The following MAST4 variants were observed in gnomAD, a reference collection of about 807,000 sequenced individuals.
The protein encoded by MAST4 is microtubule-associated serine/threonine-protein kinase 4.
MAST4 carries 89 observed loss-of-function variants against 162.7 expected under a neutral mutation model. The observed-to-expected ratio is 0.55, with a 90% confidence interval of 0.46 to 0.65. MAST4 has a LOEUF of 0.65. Among genes scored for constraint, MAST4 ranks in the 30% least tolerant of loss-of-function variants. The pLI is 0.00. For missense variants in MAST4, 3,153 were observed against 3,374.0 expected (o/e 0.93, Z 1.62); for synonymous variants, 1,479 against 1,361.1 (o/e 1.09, Z -1.91).
chr5:66,923,905 G>A (rs934835898), intron 4 of MAST4, among the ~76,000 whole-genome samples: 1 of 152,182 alleles, frequency 6.6e-6, no homozygotes, highest in African/African-American at 2.4e-5. Context: ...TTGGGAAATG[G>A]CATTCAGGAC....
intron 4 of MAST4, among the ~76,000 whole-genome samples, chr5:66,982,969 C>G (rs1749051697): frequency 6.6e-6 from 1 of 152,186 alleles, no homozygotes; most frequent in Non-Finnish European, 1.5e-5. Flanking sequence ...TCAAGGAATG[C>G]TGCCCCATTC....
At chr5:66,953,849 G>A (rs573579687) in intron 4 of MAST4, among the ~76,000 whole-genome samples, 32 of 152,206 alleles carry the variant, frequency 2.1e-4, no homozygotes, top group East Asian at 3.9e-4. Context: ...GATGTTCAGC[G>A]GCATCCCTGG....
chr5:67,145,690 G>A (rs970809194), intron 23 of MAST4, among the ~76,000 whole-genome samples: 5 of 152,158 alleles, frequency 3.3e-5, no homozygotes, highest in Admixed American at 1.3e-4. Flanking sequence ...CTAAGGGAGC[G>A]TGTTCTCAGT....
At chr5:66,680,335 C>T (rs779679533) in intron 1 of MAST4, among the ~76,000 whole-genome samples, 211 of 152,302 alleles carry the variant, frequency 1.4e-3, no homozygotes, top group Non-Finnish European at 2.0e-3. Context: ...GGAAGAGCCA[C>T]GCAGCAGTTG....
intron 1 of MAST4, among the ~76,000 whole-genome samples, chr5:66,746,957 A>AT (rs374549454): frequency 0.014 from 2,014 of 148,568 alleles, 22 homozygotes; most frequent in African/African-American, 0.039. Context: ...TACTAGCTTT[A>AT]TTTTTTTTTT....
chr5:66,683,188 G>A (rs1748438461), intron 1 of MAST4, among the ~76,000 whole-genome samples: 1 of 152,154 alleles, frequency 6.6e-6, no homozygotes. Context: ...CATCATTTTG[G>A]CTGCCATGTA....
chr5:66,955,503 A>G (rs755625006), intron 4 of MAST4, among the ~76,000 whole-genome samples: 11 of 152,240 alleles, frequency 7.2e-5, no homozygotes, highest in Non-Finnish European at 1.2e-4. Flanking sequence ...TCAATTTTTT[A>G]TAAGACAAAA....
intron 4 of MAST4, among the ~76,000 whole-genome samples, chr5:66,959,767 T>G (rs1405627441): frequency 6.6e-6 from 1 of 152,226 alleles, no homozygotes; most frequent in Non-Finnish European, 1.5e-5. Flanking sequence ...AACAGAATAT[T>G]AATGAACTGT....
intron 3 of MAST4, among the ~76,000 whole-genome samples, chr5:66,837,974 A>C (rs1388559979): frequency 1.3e-5 from 2 of 148,736 alleles, no homozygotes; most frequent in Admixed American, 6.8e-5. Flanking sequence ...TTGAGCTTCC[A>C]AATAACAACA....
chr5:67,092,545 T>C (rs1561641910), intron 6 of MAST4, among the ~76,000 whole-genome samples: 1 of 152,222 alleles, frequency 6.6e-6, no homozygotes, highest in Non-Finnish European at 1.5e-5. Context: ...ATTGTGGACC[T>C]ACTTAATCCT....
At chr5:66,882,485 G>A (rs1453022650) in intron 3 of MAST4, among the ~76,000 whole-genome samples, 1 of 151,710 alleles carries the variant, frequency 6.6e-6, no homozygotes, top group Non-Finnish European at 1.5e-5. Flanking sequence ...TGACTTAACT[G>A]TACTGATCAT....
At chr5:66,912,531 A>G (rs1300949845) in intron 4 of MAST4, among the ~76,000 whole-genome samples, 1 of 152,240 alleles carries the variant, frequency 6.6e-6, no homozygotes, top group Non-Finnish European at 1.5e-5. Flanking sequence ...GAATGAAATT[A>G]ATAGATCAGT....
intron 5 of MAST4, among the ~76,000 whole-genome samples, chr5:67,060,699 G>A (rs1049866429): frequency 6.6e-6 from 1 of 152,014 alleles, no homozygotes; most frequent in Non-Finnish European, 1.5e-5. Flanking sequence ...GGATGGTCTC[G>A]ATCTCCTGAC....
intron 3 of MAST4, among the ~76,000 whole-genome samples, chr5:66,852,519 T>C (rs1278780179): frequency 1.3e-5 from 2 of 152,174 alleles, no homozygotes; most frequent in African/African-American, 4.8e-5. Flanking sequence ...ACCGTAACGC[T>C]TGTCTGTGTG....
chr5:67,105,981 CAT>C (rs1186616827), intron 10 of MAST4, among the ~76,000 whole-genome samples: 2 of 152,156 alleles, frequency 1.3e-5, no homozygotes. Context: ...TCCTTATTGT[CAT>C]ATCCACTGGA....
intron 4 of MAST4, among the ~76,000 whole-genome samples, chr5:66,983,668 G>C (rs929955802): frequency 2.6e-5 from 4 of 152,176 alleles, no homozygotes; most frequent in African/African-American, 9.7e-5. Context: ...GGAGGGGAAT[G>C]GGGAGGGATT....
At chr5:66,811,169 T>C (rs1580509631) in intron 3 of MAST4, among the ~76,000 whole-genome samples, 1 of 152,308 alleles carries the variant, frequency 6.6e-6, no homozygotes, top group African/African-American at 2.4e-5. Flanking sequence ...CTCTGAGCAC[T>C]GCAGAGAGAG....
At chr5:66,655,662 A>G (rs1746499731) in intron 1 of MAST4, among the ~76,000 whole-genome samples, 1 of 152,188 alleles carries the variant, frequency 6.6e-6, no homozygotes, top group African/African-American at 2.4e-5. Flanking sequence ...GAAAGCACCT[A>G]GAGTAGTTTC....
rs758316880 is a variant in MAST4 at position 67,162,774 on chromosome 5, C to A, written c.3953C>A (p.Pro1318His). 1 of 1,613,876 alleles carries A rather than the reference C, an allele frequency of 6.2e-7. No homozygotes were observed. The highest frequency in any genetic ancestry group is 8.5e-7 in the Non-Finnish European group (1 of 1,179,846). ...CCAACACCAAGCTACCGCTCCACCCCTGACTTCCCATCTGGTGAGTGAGTC... is the reference window on the plus strand; with the variant it reads ...CCAACACCAAGCTACCGCTCCACCCATGACTTCCCATCTGGTGAGTGAGTC... ...RSPTPSYRSTPDFPSGTNSSQ... is the reference protein window; with the variant it reads ...RSPTPSYRSTHDFPSGTNSSQ... Residue 1318 changes from proline (P) to histidine (H), a missense_variant, in exon 28 of 29, where the codon CCT becomes CAT. Physicochemically the swap from Pro to His is moderately conservative, Grantham distance 77. Coordinates refer to ENST00000403625, the MANE Select transcript of MAST4 (RefSeq NM_001164664.2).
Sources: allele counts gnomAD v4.1 joint callset (sites outside exome capture counted in the v4.1 genomes callset), GRCh38; gene constraint gnomAD v4.1.1; transcripts MANE v1.5; gene names NCBI Gene and HGNC (gene_info 2026-07-23, HGNC 2026-07-21).